The following ANKS1B variants were observed in gnomAD, a reference collection of about 807,000 sequenced individuals.
ANKS1B encodes ankyrin repeat and sterile alpha motif domain-containing protein 1B.
In ANKS1B, 36 loss-of-function variants were observed where a neutral mutation model predicts 148.3. That is an observed-to-expected ratio of 0.24 (90% CI 0.19 to 0.32). The LOEUF is 0.32. ANKS1B is among the 10% of genes least tolerant of loss of function. The pLI is 1.00. For synonymous variants in ANKS1B, 542 were observed against 560.8 expected, an observed-to-expected ratio of 0.97 and a Z score of 0.47; for missense variants, 1,157 against 1,542.6, an observed-to-expected ratio of 0.75 and a Z score of 4.19.
At chr12:99,632,500 A>G (rs1392402355) in intron 9 of ANKS1B, among the ~76,000 whole-genome samples, 3 of 151,708 alleles carry the variant, frequency 2.0e-5, no homozygotes, top group Admixed American at 1.3e-4. Context: ...CCAGCATGCA[A>G]TCCTAGTCGA....
At chr12:99,606,966 C>A (rs2097855851) in intron 9 of ANKS1B, among the ~76,000 whole-genome samples, 1 of 152,106 alleles carries the variant, frequency 6.6e-6, no homozygotes, top group Admixed American at 6.6e-5. Flanking sequence ...ATCCACTCAG[C>A]ACCCAGAAGG....
intron 16 of ANKS1B, among the ~76,000 whole-genome samples, chr12:99,064,013 G>A (rs1161924068): frequency 2.0e-5 from 3 of 152,164 alleles, no homozygotes; most frequent in Non-Finnish European, 4.4e-5. Context: ...ATGTCACTAC[G>A]AACTCACAGC....
At chr12:99,947,353 A>G (rs2095094802) in intron 1 of ANKS1B, among the ~76,000 whole-genome samples, 1 of 152,110 alleles carries the variant, frequency 6.6e-6, no homozygotes, top group African/African-American at 2.4e-5. Context: ...TAAGTTTACT[A>G]AGAAGGCTAG....
At chr12:99,841,413 G>A (rs1349446835) in intron 1 of ANKS1B, among the ~76,000 whole-genome samples, 1 of 151,796 alleles carries the variant, frequency 6.6e-6, no homozygotes, top group East Asian at 1.9e-4. Flanking sequence ...TCCTGAATTT[G>A]ATTTGCTCTT....
rs1701498615 is a variant in ANKS1B at position 99,840,042 on chromosome 12, G to A, written c.135-14653C>T. On this transcript the variant is annotated intron_variant, in intron 1 of 26. Transcript: ENST00000683438. ...GACAACACAGCAGTTGGAGAAGGCT[G>A]TACAGAAAAAAGACAAAAATTCCTG... Among the ~76,000 whole-genome samples, 3 of 152,088 alleles carry A rather than the reference G, an allele frequency of 2.0e-5. No homozygotes were observed. In the South Asian group the frequency reaches 6.2e-4, roughly 31 times the overall value.
rs1377977243 is a variant in ANKS1B at position 99,683,476 on chromosome 12, AATG to A, written c.1129-28269_1129-28267del. 2.6e-5 allele frequency among the ~76,000 whole-genome samples: 4 copies of A among 152,168 alleles called. 1 individual carries two copies. Among genetic ancestry groups the A allele is most frequent in the African/African-American group, 9.6e-5 (4 of 41,528 alleles). ...GATCAATAACAAGCAGTGAGATTAA[AATG>A]ATAATAACAAATCGCAAACAAAAGA... On this transcript the variant is annotated intron_variant, in intron 8 of 26. Transcript: ENST00000683438.
intron 17 of ANKS1B, among the ~76,000 whole-genome samples, chr12:98,959,472 C>T (rs1462967110): frequency 6.6e-6 from 1 of 152,180 alleles, no homozygotes; most frequent in African/African-American, 2.4e-5. Flanking sequence ...CAAGGCCAGT[C>T]ATTTGGGCCC....
chr12:99,616,722 T>A (rs769158728), intron 9 of ANKS1B, among the ~76,000 whole-genome samples: 5 of 152,122 alleles, frequency 3.3e-5, no homozygotes, highest in Non-Finnish European at 7.3e-5. Context: ...ATTCAGGACA[T>A]AGACATGGGC....
chr12:99,456,967 T>C (rs1718733837), intron 10 of ANKS1B, among the ~76,000 whole-genome samples: 1 of 152,066 alleles, frequency 6.6e-6, no homozygotes, highest in South Asian at 2.1e-4. Context: ...AGGCACCTGA[T>C]AGTCATCAGG....
chr12:99,017,243 A>G (rs748764395), intron 17 of ANKS1B, among the ~76,000 whole-genome samples: 6 of 152,156 alleles, frequency 3.9e-5, no homozygotes, highest in Non-Finnish European at 5.9e-5. Context: ...CTTTGGGAGG[A>G]ATTTAGTTTA....
chr12:99,781,188 T>A (rs544498949), intron 5 of ANKS1B, among the ~76,000 whole-genome samples: 1 of 152,256 alleles, frequency 6.6e-6, no homozygotes, highest in South Asian at 2.1e-4. Context: ...ATTTAGGTGG[T>A]TTCCTCAAAT....
intron 9 of ANKS1B, among the ~76,000 whole-genome samples, chr12:99,638,049 T>C (rs1598586785): frequency 6.6e-6 from 1 of 151,860 alleles, no homozygotes; most frequent in African/African-American, 2.4e-5. Context: ...AGGGTATTTT[T>C]CCCCCTTTGC....
chr12:99,080,203 T>C (rs77097750), intron 16 of ANKS1B, among the ~76,000 whole-genome samples: 14,692 of 151,280 alleles, frequency 0.097, 1,772 homozygotes, highest in African/African-American at 0.28. Context: ...GCCGCAATTG[T>C]GTGCAGGCAA....
At chr12:99,591,863 T>C (rs57645337) in intron 9 of ANKS1B, among the ~76,000 whole-genome samples, 1,695 of 152,282 alleles carry the variant, frequency 0.011, 35 homozygotes, top group African/African-American at 0.039. Context: ...TAAATGGATA[T>C]AGACCCTCAC....
chr12:98,811,935 C>A (rs936208), intron 19 of ANKS1B, among the ~76,000 whole-genome samples: 1 of 151,804 alleles, frequency 6.6e-6, no homozygotes, highest in Non-Finnish European at 1.5e-5. Context: ...GAGGATCCTA[C>A]GCCATACTTA....
chr12:99,622,917 C>A (rs534125498), intron 9 of ANKS1B, among the ~76,000 whole-genome samples: 1 of 152,102 alleles, frequency 6.6e-6, no homozygotes, highest in Admixed American at 6.6e-5. Flanking sequence ...CACCATGATA[C>A]CAAAACCTGT....
At chr12:99,058,838 C>T (rs2041284693) in intron 16 of ANKS1B, among the ~76,000 whole-genome samples, 1 of 146,666 alleles carries the variant, frequency 6.8e-6, no homozygotes, top group East Asian at 2.0e-4. Context: ...CCCAGGTTCA[C>T]GCCATTCTCC....
intron 10 of ANKS1B, among the ~76,000 whole-genome samples, chr12:99,502,279 G>A (rs544305466): frequency 3.9e-5 from 6 of 151,954 alleles, no homozygotes; most frequent in African/African-American, 1.2e-4. Context: ...TCTCTCTTAC[G>A]GAAAAGGAAA....
chr12:99,178,264 A>G (rs114336471), intron 14 of ANKS1B, among the ~76,000 whole-genome samples: 13 of 152,258 alleles, frequency 8.5e-5, no homozygotes, highest in African/African-American at 3.1e-4. Context: ...GATTATCCAT[A>G]CCCACAGGGG....
Sources: gnomAD v4.1 joint callset for allele counts (sites outside exome capture counted in the v4.1 genomes callset) on GRCh38, gnomAD v4.1.1 for gene constraint, MANE v1.5 for transcripts, NCBI Gene and HGNC (gene_info 2026-07-23, HGNC 2026-07-21) for gene names.